CSMD1: variants seen among roughly 807,000 people sequenced by gnomAD.
CSMD1 encodes CUB and sushi domain-containing protein 1.
Under a neutral mutation model 417.5 loss-of-function variants are expected in CSMD1, and 213 were observed. The ratio of observed to expected loss-of-function variants is 0.51; its 90% confidence interval spans 0.46 to 0.57. The LOEUF (loss-of-function observed/expected upper bound fraction) is 0.57. Among genes scored for constraint, CSMD1 ranks in the 20% least tolerant of loss-of-function variants. CSMD1 has a pLI of 0.00. For missense variants in CSMD1, 6,923 were observed against 4,529.7 expected (o/e 1.53, Z -15.17); for synonymous variants, 2,862 against 1,736.8 (o/e 1.65, Z -16.11).
chr8:3,838,557 G>GATATATATATACTCTCTGTAGAT (rs368287244), intron 5 of CSMD1, among the ~76,000 whole-genome samples: 2 of 135,120 alleles, frequency 1.5e-5, no homozygotes, highest in South Asian at 4.5e-4. Flanking sequence ...ACTCTCTGTA[G>GATATATATATACTCTCTGTAGAT]ATATATATAG....
chr8:4,173,109 G>A (rs1036196030), intron 3 of CSMD1, among the ~76,000 whole-genome samples: 12 of 152,130 alleles, frequency 7.9e-5, no homozygotes, highest in Non-Finnish European at 1.5e-4. Flanking sequence ...TGAACCACAC[G>A]GAGGAAGTAA....
At chr8:3,597,899 T>C (rs763489963) in intron 8 of CSMD1, among the ~76,000 whole-genome samples, 5 of 152,158 alleles carry the variant, frequency 3.3e-5, no homozygotes, top group Non-Finnish European at 7.3e-5. Flanking sequence ...GATGAGTTGA[T>C]GGGTGCAGCA....
At chr8:3,833,423 T>C (rs1227151569) in intron 5 of CSMD1, among the ~76,000 whole-genome samples, 2 of 152,152 alleles carry the variant, frequency 1.3e-5, no homozygotes, top group East Asian at 1.9e-4. Context: ...AATTTTGCCA[T>C]ATTTTATATC....
intron 3 of CSMD1, among the ~76,000 whole-genome samples, chr8:4,316,875 C>A (rs567679368): frequency 6.6e-6 from 1 of 152,262 alleles, no homozygotes; most frequent in African/African-American, 2.4e-5. Flanking sequence ...TGTGGTTATA[C>A]TCCAAATCTT....
At position 4,689,332 on chromosome 8, in the gene CSMD1, C is replaced by G. The variant is rs183221722; in HGVS notation, c.86-51774G>C. Reference sequence around the variant, plus strand: ...GGGTTTTGCTAGTCAAATACTTGATCTTCATAATGCTCATTTCCAGAATGA... The same window carrying G: ...GGGTTTTGCTAGTCAAATACTTGATGTTCATAATGCTCATTTCCAGAATGA... On this transcript the variant is annotated intron_variant, in intron 1 of 69. Coordinates refer to ENST00000635120, the MANE Select transcript of CSMD1 (RefSeq NM_033225.6). Among the ~76,000 whole-genome samples the G allele has an allele frequency of 8.5e-3, 1,289 of 152,238 alleles. 23 individuals carry two copies. Among genetic ancestry groups the G allele is most frequent in the African/African-American group, 0.03 (1,242 of 41,530 alleles).
At chr8:4,060,157 G>T (rs955178386) in intron 3 of CSMD1, among the ~76,000 whole-genome samples, 5 of 152,092 alleles carry the variant, frequency 3.3e-5, no homozygotes, top group Non-Finnish European at 7.3e-5. Context: ...ATCAATAAAT[G>T]TAATCCAGCA....
chr8:4,086,476 G>T (rs1047354562), intron 3 of CSMD1, among the ~76,000 whole-genome samples: 19 of 152,138 alleles, frequency 1.2e-4, no homozygotes, highest in Admixed American at 1.2e-3. Flanking sequence ...AATTCGTTCT[G>T]ACTGTACATT....
At chr8:3,136,387 C>T (rs1258639855) in intron 41 of CSMD1, among the ~76,000 whole-genome samples, 1 of 151,794 alleles carries the variant, frequency 6.6e-6, no homozygotes, top group East Asian at 1.9e-4. Context: ...GCCTCAGCCT[C>T]CTGAGAAGTT....
At chr8:4,647,372 G>A (rs978072052) in intron 1 of CSMD1, among the ~76,000 whole-genome samples, 6 of 151,074 alleles carry the variant, frequency 4.0e-5, no homozygotes, top group South Asian at 2.1e-4. Context: ...GGCCTGCTAC[G>A]TAGGTACGCG....
intron 2 of CSMD1, among the ~76,000 whole-genome samples, chr8:4,452,106 G>A (rs960537625): frequency 6.6e-6 from 1 of 152,148 alleles, no homozygotes; most frequent in Non-Finnish European, 1.5e-5. Flanking sequence ...TTAGGGCAGT[G>A]TGATGCTTCC....
At chr8:4,476,996 G>C (rs192549254) in intron 2 of CSMD1, among the ~76,000 whole-genome samples, 158 of 152,346 alleles carry the variant, frequency 1.0e-3, no homozygotes, top group Non-Finnish European at 1.9e-3. Context: ...GGCTGCCTAG[G>C]ATGGACAGGT....
Position 3,919,945 on chromosome 8 carries a change from C to A in CSMD1, c.818+77958G>T, listed in dbSNP as rs1173074679. ...TTTATCAGATAATTTGACTCAGAAA[C>A]ACAACTGAGTCTTGTATTTTTAGTG... On this transcript the variant is annotated intron_variant, in intron 5 of 69. Coordinates refer to ENST00000635120, the MANE Select transcript of CSMD1 (RefSeq NM_033225.6). Among the ~76,000 whole-genome samples, 4 of 152,010 alleles carry A rather than the reference C, an allele frequency of 2.6e-5. No individual in the cohort carries two copies. The East Asian group carries it at 7.7e-4, about 29-fold the overall frequency.
chr8:4,409,055 G>C (rs776702369), intron 3 of CSMD1, among the ~76,000 whole-genome samples: 1 of 152,088 alleles, frequency 6.6e-6, no homozygotes, highest in Non-Finnish European at 1.5e-5. Flanking sequence ...GTGCACATTC[G>C]GCATTGAATT....
chr8:4,674,505 C>G (rs562878761), intron 1 of CSMD1, among the ~76,000 whole-genome samples: 1 of 152,062 alleles, frequency 6.6e-6, no homozygotes, highest in Admixed American at 6.6e-5. Context: ...GGGAACAGTA[C>G]GTACTCAGTA....
chr8:4,801,815 CTT>C (rs1399000830), intron 1 of CSMD1, among the ~76,000 whole-genome samples: 1 of 152,142 alleles, frequency 6.6e-6, no homozygotes, highest in Non-Finnish European at 1.5e-5. Context: ...TACAGCTACT[CTT>C]TTCTAAAATG....
At chr8:4,889,678 G>T (rs919992768) in intron 1 of CSMD1, among the ~76,000 whole-genome samples, 2 of 152,002 alleles carry the variant, frequency 1.3e-5, no homozygotes, top group African/African-American at 2.4e-5. Context: ...AAGCTGGAGA[G>T]AAAAACAGTA....
chr8:4,852,730 T>A lies in CSMD1; in HGVS notation c.85+141602A>T, dbSNP rs1381375621. 2.0e-5 allele frequency among the ~76,000 whole-genome samples: 3 copies of A among 152,096 alleles called. No individual in the cohort carries two copies. In the East Asian group the frequency reaches 5.8e-4, roughly 29 times the overall value. On this transcript the variant is annotated intron_variant, in intron 1 of 69. Coordinates refer to ENST00000635120, the MANE Select transcript of CSMD1 (RefSeq NM_033225.6). The stretch of plus-strand genomic sequence containing the variant: ...AAGTTTGGAGATCCTTAGAAACTGG[T>A]TAAGTGGTTATAACCAAAATGCTGA...
Position 4,467,142 on chromosome 8 carries a change from A to G in CSMD1, c.303-47077T>C, listed in dbSNP as rs577199782. On this transcript the variant is annotated intron_variant, in intron 2 of 69. Coordinates refer to ENST00000635120, the MANE Select transcript of CSMD1 (RefSeq NM_033225.6). Reference sequence around the variant, plus strand: ...CAGAGTAAAAAAAAAAAAAAAAAAGAAAAAAAAAGAAAAAACAAATGTTGA... The same window carrying G: ...CAGAGTAAAAAAAAAAAAAAAAAAGGAAAAAAAAGAAAAAACAAATGTTGA... 3.7e-3 allele frequency among the ~76,000 whole-genome samples: 539 copies of G among 146,126 alleles called. 1 individual carries two copies. The highest frequency in any genetic ancestry group is 0.014 in the African/African-American group (520 of 38,280).
At chr8:4,700,387 G>A (rs1807447870) in intron 1 of CSMD1, among the ~76,000 whole-genome samples, 1 of 151,912 alleles carries the variant, frequency 6.6e-6, no homozygotes. Context: ...CTGATCATTT[G>A]CTATACTTTG....
Sources: allele counts gnomAD v4.1 joint callset (sites outside exome capture counted in the v4.1 genomes callset), GRCh38; gene constraint gnomAD v4.1.1; transcripts MANE v1.5; gene names NCBI Gene and HGNC (gene_info 2026-07-23, HGNC 2026-07-21).